The following KCNQ3 variants were observed in gnomAD, a reference collection of about 807,000 sequenced individuals.
KCNQ3 encodes potassium voltage-gated channel subfamily Q member 3, also known as potassium voltage-gated channel subfamily KQT member 3.
A neutral mutation model predicts 92.5 loss-of-function variants in KCNQ3; 30 were observed. The ratio of observed to expected loss-of-function variants is 0.32; its 90% CI spans 0.24 to 0.44. KCNQ3 has a LOEUF of 0.44. KCNQ3 is among the 20% of genes least tolerant of loss of function. KCNQ3 has a pLI of 1.00. For missense variants in KCNQ3, 913 were observed against 1,140.3 expected (o/e 0.80, Z 2.87); for synonymous variants, 450 against 468.8 (o/e 0.96, Z 0.52).
chr8:132,400,437 C>G (rs868473850), intron 1 of KCNQ3, among the ~76,000 whole-genome samples: 1 of 152,234 alleles, frequency 6.6e-6, no homozygotes, highest in South Asian at 2.1e-4. Context: ...CTTTGAACAA[C>G]TGACTCTCAA....
At chr8:132,142,153 G>A (rs1825317284) in intron 9 of KCNQ3, among the ~76,000 whole-genome samples, 1 of 152,132 alleles carries the variant, frequency 6.6e-6, no homozygotes, top group Non-Finnish European at 1.5e-5. Flanking sequence ...AGCTTCTTTT[G>A]TATATTGTAT....
At chr8:132,423,936 CA>C (rs1268512026) in intron 1 of KCNQ3, among the ~76,000 whole-genome samples, 1 of 151,996 alleles carries the variant, frequency 6.6e-6, no homozygotes, top group Non-Finnish European at 1.5e-5. Flanking sequence ...TGAGCACAAC[CA>C]AAACTAGGTC....
At chr8:132,437,287 A>T (rs958108477) in intron 1 of KCNQ3, among the ~76,000 whole-genome samples, 2 of 151,326 alleles carry the variant, frequency 1.3e-5, no homozygotes, top group Non-Finnish European at 2.9e-5. Flanking sequence ...CAAAAAAAAA[A>T]TAAAAATAAA....
chr8:132,239,567 C>G (rs371661180), intron 1 of KCNQ3, among the ~76,000 whole-genome samples: 2 of 152,222 alleles, frequency 1.3e-5, no homozygotes, highest in African/African-American at 4.8e-5. Flanking sequence ...TTGAAACCAA[C>G]AGACTGCAAA....
At chr8:132,476,379 G>A (rs917598664) in intron 1 of KCNQ3, among the ~76,000 whole-genome samples, 3 of 152,206 alleles carry the variant, frequency 2.0e-5, no homozygotes, top group Admixed American at 2.0e-4. Context: ...TGTGTGCCTG[G>A]AAAAGCCACA....
chr8:132,365,478 G>T (rs1466440709), intron 1 of KCNQ3, among the ~76,000 whole-genome samples: 1 of 152,186 alleles, frequency 6.6e-6, no homozygotes, highest in Admixed American at 6.5e-5. Context: ...TAGCACCTTG[G>T]CTGGAGGGGA....
chr8:132,230,459 GAGA>G (rs1389632628), intron 1 of KCNQ3, among the ~76,000 whole-genome samples: 1 of 149,456 alleles, frequency 6.7e-6, no homozygotes, highest in African/African-American at 2.5e-5. Context: ...CAGAGAGAGA[GAGA>G]GAGAGAGAGA....
intron 1 of KCNQ3, among the ~76,000 whole-genome samples, chr8:132,364,955 T>C (rs1474813973): frequency 6.6e-6 from 1 of 152,170 alleles, no homozygotes; most frequent in Non-Finnish European, 1.5e-5. Context: ...GAGTGCTAAC[T>C]TTATCAGAAT....
At chr8:132,445,946 A>T (rs1821665720) in intron 1 of KCNQ3, among the ~76,000 whole-genome samples, 1 of 152,188 alleles carries the variant, frequency 6.6e-6, no homozygotes. Context: ...TAATTTTCCA[A>T]GCAAGAAGTC....
At chr8:132,300,187 G>A (rs1330573128) in intron 1 of KCNQ3, among the ~76,000 whole-genome samples, 1 of 152,200 alleles carries the variant, frequency 6.6e-6, no homozygotes, top group Non-Finnish European at 1.5e-5. Context: ...GAAAGGACAA[G>A]ACAAGATAAG....
chr8:132,141,092 A>C, intron 10 of KCNQ3, 37 bp downstream of exon 10: 1 of 1,582,434 alleles, frequency 6.3e-7, no homozygotes, highest in Non-Finnish European at 8.7e-7. Flanking sequence ...GGGAGGAAGA[A>C]GTGGAAGAGA....
At position 132,437,453 on chromosome 8, in the gene KCNQ3, T is replaced by C. The variant is rs368097777; in HGVS notation, c.386+42694A>G. ...CTCCTGCCTCCCTTGCAGGTGAACA[T>C]GGAATACTGAATGTGCCTGTTCTTT... On this transcript the variant is annotated intron_variant, in intron 1 of 14. Coordinates refer to ENST00000388996, the MANE Select transcript of KCNQ3 (RefSeq NM_004519.4). 9.7e-4 allele frequency among the ~76,000 whole-genome samples: 148 copies of C among 152,314 alleles called. 3 individuals are homozygous for C. Among genetic ancestry groups the C allele is most frequent in the Middle Eastern group, 3.4e-3 (1 of 292 alleles).
intron 1 of KCNQ3, among the ~76,000 whole-genome samples, chr8:132,197,306 G>A (rs1827326144): frequency 6.6e-6 from 1 of 152,200 alleles, no homozygotes; most frequent in Non-Finnish European, 1.5e-5. Flanking sequence ...ACCAGGCCAA[G>A]CAGCTCTGTT....
At chr8:132,442,859 T>C (rs1030380391) in intron 1 of KCNQ3, among the ~76,000 whole-genome samples, 1 of 152,196 alleles carries the variant, frequency 6.6e-6, no homozygotes, top group Non-Finnish European at 1.5e-5. Flanking sequence ...TTCTCTCTTC[T>C]AGATTTAGAG....
At chr8:132,389,822 T>C (rs566023734) in intron 1 of KCNQ3, among the ~76,000 whole-genome samples, 1 of 152,302 alleles carries the variant, frequency 6.6e-6, no homozygotes, top group East Asian at 1.9e-4. Context: ...ATGCTATTGC[T>C]ACGAGTATAA....
At position 132,357,088 on chromosome 8, in the gene KCNQ3, C is replaced by T. The variant is rs370816054; in HGVS notation, c.386+123059G>A. ...GTTGAGTCACTTGCCCAGGGAGGAC[C>T]AAAAACATCTTGAAGATGATCATCC... is the stretch of plus-strand genomic sequence containing the variant. On this transcript the variant is annotated intron_variant, in intron 1 of 14. Coordinates refer to ENST00000388996, the MANE Select transcript of KCNQ3 (RefSeq NM_004519.4). Among the ~76,000 whole-genome samples the T allele has an allele frequency of 4.6e-5, 7 of 152,240 alleles. No homozygotes were observed. The South Asian group carries it at 1.0e-3, about 23-fold the overall frequency.
At chr8:132,156,150 C>T (rs1414746758) in intron 9 of KCNQ3, among the ~76,000 whole-genome samples, 11 of 151,892 alleles carry the variant, frequency 7.2e-5, no homozygotes, top group Non-Finnish European at 1.5e-5. Context: ...AATCTCTTGT[C>T]TGAATAATAC....
At chr8:132,462,924 TTC>T (rs1218948460) in intron 1 of KCNQ3, among the ~76,000 whole-genome samples, 1 of 152,146 alleles carries the variant, frequency 6.6e-6, no homozygotes, top group Non-Finnish European at 1.5e-5. Context: ...CCTTCCCTCT[TTC>T]TGTCTCTTTT....
At chr8:132,170,031 C>A (rs1202062493) in intron 8 of KCNQ3, among the ~76,000 whole-genome samples, 1 of 151,980 alleles carries the variant, frequency 6.6e-6, no homozygotes, top group African/African-American at 2.4e-5. Context: ...CACCACCACG[C>A]CCGGCTAATT....
Sources: gnomAD v4.1 joint callset for allele counts (sites outside exome capture counted in the v4.1 genomes callset) on GRCh38, gnomAD v4.1.1 for gene constraint, MANE v1.5 for transcripts, NCBI Gene and HGNC (gene_info 2026-07-23, HGNC 2026-07-21) for gene names.